NAALADL2: variants seen among roughly 807,000 people sequenced by gnomAD.
NAALADL2 encodes the protein N-acetylated alpha-linked acidic dipeptidase like 2.
NAALADL2 carries 76 observed loss-of-function variants against 87.2 expected under a neutral mutation model. The observed-to-expected ratio is 0.87, with a 90% CI of 0.72 to 1.05. NAALADL2 has a LOEUF of 1.05. Ranked by LOEUF, NAALADL2 falls within the 50% of genes least tolerant of loss-of-function variation. The pLI, the probability that NAALADL2 is intolerant of heterozygous loss-of-function variation, is 0.00. For synonymous variants in NAALADL2, 354 were observed against 331.0 expected (o/e 1.07, Z -0.75); for missense variants, 1,089 against 945.8 (o/e 1.15, Z -1.99).
intron 2 of NAALADL2, among the ~76,000 whole-genome samples, chr3:175,110,187 C>T (rs375615632): frequency 6.6e-6 from 1 of 151,758 alleles, no homozygotes; most frequent in African/African-American, 2.4e-5. Flanking sequence ...CAGTCCTATT[C>T]TAAAAGAAGC....
chr3:174,448,386 C>G (rs1383426286), intron 1 of NAALADL2, among the ~76,000 whole-genome samples: 1 of 152,152 alleles, frequency 6.6e-6, no homozygotes, highest in African/African-American at 2.4e-5. Flanking sequence ...TTACAGTACC[C>G]TCCAAAAGAG....
chr3:174,939,706 T>A (rs1738267389), intron 1 of NAALADL2, among the ~76,000 whole-genome samples: 1 of 152,082 alleles, frequency 6.6e-6, no homozygotes, highest in Admixed American at 6.6e-5. Flanking sequence ...TAATTCTTAT[T>A]GTAGAGATCT....
chr3:174,520,891 A>G (rs1560027394), intron 1 of NAALADL2, among the ~76,000 whole-genome samples: 1 of 152,148 alleles, frequency 6.6e-6, no homozygotes, highest in Non-Finnish European at 1.5e-5. Flanking sequence ...AGGACATACA[A>G]GCAGCCAAGA....
intron 1 of NAALADL2, among the ~76,000 whole-genome samples, chr3:174,549,325 T>G (rs1711814456): frequency 6.6e-6 from 1 of 152,146 alleles, no homozygotes. Flanking sequence ...TGAAATCACT[T>G]AGAAAATAAA....
intron 5 of NAALADL2, among the ~76,000 whole-genome samples, chr3:175,340,360 A>G (rs970017717): frequency 6.6e-5 from 10 of 152,144 alleles, no homozygotes; most frequent in African/African-American, 2.4e-4. Context: ...GATGATTCAT[A>G]TCAGGATGGA....
Position 174,666,397 on chromosome 3 carries a change from T to C in NAALADL2, c.-114-71244T>C, listed in dbSNP as rs78254232. ...TTGAATTGTTATTTCTAAAACTACATTGTCTTCTCTAATTTAAAAATAGCT... is the reference window on the plus strand; with the variant it reads ...TTGAATTGTTATTTCTAAAACTACACTGTCTTCTCTAATTTAAAAATAGCT... On this transcript the variant is annotated intron_variant, in intron 2 of 3. Coordinates refer to the NAALADL2 transcript ENST00000434257. 8.8e-3 allele frequency among the ~76,000 whole-genome samples: 1,339 copies of C among 152,190 alleles called. 8 individuals are homozygous for C. Among genetic ancestry groups the C allele is most frequent in the Non-Finnish European group, 0.015 (996 of 67,996 alleles).
chr3:175,419,331 CTG>C (rs1715245577), intron 5 of NAALADL2, among the ~76,000 whole-genome samples: 2 of 151,588 alleles, frequency 1.3e-5, no homozygotes. Flanking sequence ...TGTATGTCCT[CTG>C]TTTTATATTT....
intron 5 of NAALADL2, among the ~76,000 whole-genome samples, chr3:175,331,986 T>A (rs1014760987): frequency 3.3e-5 from 5 of 152,126 alleles, no homozygotes; most frequent in Non-Finnish European, 7.4e-5. Context: ...CCATTCACAG[T>A]AGCTTTGAAA....
In NAALADL2 at chr3:174,536,287, G is replaced by A. The variant is rs1230770806; in HGVS notation, c.-183-14282G>A. Among the ~76,000 whole-genome samples the A allele has an allele frequency of 2.0e-5, 3 of 152,056 alleles. No homozygotes were observed. In the East Asian group the frequency reaches 5.8e-4, roughly 29 times the overall value. Reference sequence around the variant, plus strand: ...TTGAAAGATAAGGGGAAAATAAACTGGGCCATGGCTATTCAGGACTGGCTA... The same window carrying A: ...TTGAAAGATAAGGGGAAAATAAACTAGGCCATGGCTATTCAGGACTGGCTA... On this transcript the variant is annotated intron_variant, in intron 1 of 3. Transcript: ENST00000434257.
At chr3:174,787,594 T>TAC (rs1408085642) in intron 3 of NAALADL2, among the ~76,000 whole-genome samples, 1,213 of 65,604 alleles carry the variant, frequency 0.018, 62 homozygotes, top group East Asian at 0.041. Flanking sequence ...TATATATATA[T>TAC]ATATATATAT....
At chr3:175,579,042 T>A (rs958761870) in intron 10 of NAALADL2, among the ~76,000 whole-genome samples, 1 of 152,194 alleles carries the variant, frequency 6.6e-6, no homozygotes, top group African/African-American at 2.4e-5. Context: ...CTGCACTCAC[T>A]TTAGTAAAAG....
chr3:175,584,001 T>A (rs1054846135), intron 10 of NAALADL2, among the ~76,000 whole-genome samples: 1 of 152,102 alleles, frequency 6.6e-6, no homozygotes, highest in Non-Finnish European at 1.5e-5. Context: ...GTTATAAAGT[T>A]GTAACTAGCA....
At chr3:174,719,248 G>A (rs1366562991) in intron 2 of NAALADL2, among the ~76,000 whole-genome samples, 1 of 152,096 alleles carries the variant, frequency 6.6e-6, no homozygotes, top group African/African-American at 2.4e-5. Flanking sequence ...AACATTAACA[G>A]TTGACATGCA....
chr3:174,537,636 G>A (rs935405569), intron 1 of NAALADL2, among the ~76,000 whole-genome samples: 8 of 152,134 alleles, frequency 5.3e-5, no homozygotes, highest in African/African-American at 1.9e-4. Flanking sequence ...AATACAGTAC[G>A]AGAAATGATG....
intron 10 of NAALADL2, 37 bp downstream of exon 10, chr3:175,576,224 A>G: frequency 1.9e-6 from 3 of 1,558,100 alleles, no homozygotes; most frequent in Non-Finnish European, 1.8e-6. Flanking sequence ...ACACACACAC[A>G]ATATAGTAGA....
At chr3:174,971,260 A>G (rs372831759) in intron 1 of NAALADL2, among the ~76,000 whole-genome samples, 1 of 152,346 alleles carries the variant, frequency 6.6e-6, no homozygotes, top group Non-Finnish European at 1.5e-5. Context: ...CATATTGGGC[A>G]TCTCCTGTTT....
In NAALADL2 at chr3:175,447,379, T is replaced by A; in HGVS notation, c.1234+7T>A. The A allele has an allele frequency of 1.3e-6, 2 of 1,541,390 alleles. No individual in the cohort carries two copies. The highest frequency in any genetic ancestry group is 1.7e-6 in the Non-Finnish European group (2 of 1,146,426). The stretch of plus-strand genomic sequence containing the variant: ...CTAGAGCTTCCAAATAATGGTAAAG[T>A]ATTTAATGTCGTTCTCTGTATTTTA... On this transcript the variant is annotated splice_region_variant and intron_variant, in intron 6 of 13. Coordinates refer to ENST00000454872, the MANE Select transcript of NAALADL2 (RefSeq NM_207015.3).
chr3:174,701,139 T>C (rs781532015), intron 2 of NAALADL2, among the ~76,000 whole-genome samples: 7 of 151,690 alleles, frequency 4.6e-5, no homozygotes, highest in Non-Finnish European at 7.4e-5. Context: ...ACATTATTCA[T>C]GTAATATATA....
chr3:175,621,126 A>C (rs1159159714), intron 10 of NAALADL2, among the ~76,000 whole-genome samples: 1 of 152,192 alleles, frequency 6.6e-6, no homozygotes, highest in East Asian at 1.9e-4. Flanking sequence ...TCTACGTAAA[A>C]CCGGCAGCTC....
Sources: gnomAD v4.1 joint callset for allele counts (sites outside exome capture counted in the v4.1 genomes callset) on GRCh38, gnomAD v4.1.1 for gene constraint, MANE v1.5 for transcripts, NCBI Gene and HGNC (gene_info 2026-07-23, HGNC 2026-07-21) for gene names.